Variants in HTR1F observed in about 807,000 individuals in gnomAD.
The protein encoded by HTR1F is 5-hydroxytryptamine receptor 1F.
In HTR1F, 17 loss-of-function variants were observed where a neutral mutation model predicts 24.0. The observed-to-expected ratio is 0.71, with a 90% CI of 0.48 to 1.06. HTR1F has a LOEUF of 1.06. Ranked by LOEUF, HTR1F falls within the 50% of genes least tolerant of loss-of-function variation. The pLI, the probability that HTR1F is intolerant of heterozygous loss-of-function variation, is 0.00. For missense variants in HTR1F, 391 were observed against 427.8 expected (o/e 0.91, Z 0.76); for synonymous variants, 186 against 156.8 (o/e 1.19, Z -1.39).
At chr3:87,924,034 T>G (rs112277089) in intron 2 of HTR1F, among the ~76,000 whole-genome samples, 4,967 of 152,230 alleles carry the variant, frequency 0.033, 247 homozygotes, top group African/African-American at 0.11. Flanking sequence ...CATTCTCAAC[T>G]GTTTGATTTT....
chr3:87,888,405 C>T (rs1336204910), intron 2 of HTR1F, among the ~76,000 whole-genome samples: 1 of 152,020 alleles, frequency 6.6e-6, no homozygotes, highest in Non-Finnish European at 1.5e-5. Flanking sequence ...CAACATGGCA[C>T]ATGTATACCT....
intron 2 of HTR1F, among the ~76,000 whole-genome samples, chr3:87,897,976 G>A (rs577943491): frequency 1.3e-5 from 2 of 152,148 alleles, no homozygotes; most frequent in African/African-American, 4.8e-5. Context: ...CACAGATTCA[G>A]TGATCAATAA....
chr3:87,946,185 G>A (rs1329273955), intron 2 of HTR1F, among the ~76,000 whole-genome samples: 1 of 152,208 alleles, frequency 6.6e-6, no homozygotes, highest in African/African-American at 2.4e-5. Context: ...CAGGAGCACA[G>A]CGGACACCCT....
intron 2 of HTR1F, among the ~76,000 whole-genome samples, chr3:87,865,576 A>G (rs1705410170): frequency 6.6e-6 from 1 of 152,084 alleles, no homozygotes. Context: ...ATAAATATGA[A>G]TTTTTTGTGT....
rs543611030 is a variant in HTR1F at position 87,910,211 on chromosome 3, A to T, written c.-42-80497A>T. ...TCTTTGGCACCAATTGCAACTTGAA[A>T]CTTTTCCTGTGTTGTATGAAAGGAG... On this transcript the variant is annotated intron_variant, in intron 2 of 2. Coordinates refer to ENST00000319595, the MANE Select transcript of HTR1F (RefSeq NM_001322209.2). 10 of 152,042 alleles carry T rather than the reference A, an allele frequency of 6.6e-5. No homozygotes were observed. The South Asian group carries it at 2.1e-3, about 32-fold the overall frequency. The allele number at this position is 152,042 out of a possible 1,614,324, so 9.4% of individuals were successfully genotyped here. A position where few individuals can be genotyped will look rare whatever the true frequency, so the allele number is the denominator to read the frequency against.
At position 87,992,915 on chromosome 3, in the gene HTR1F, G is replaced by T. The variant is rs1705868071; in HGVS notation, c.*1065G>T. 1 of 166,656 alleles carries T rather than the reference G, an allele frequency of 6.0e-6. No homozygotes were observed. The highest frequency in any genetic ancestry group is 2.1e-4 in the South Asian group (1 of 4,810). The allele number at this position is 166,656 out of a possible 1,614,324, so 10.3% of individuals were successfully genotyped here. On this transcript the variant is annotated 3_prime_UTR_variant, in exon 3 of 3. Transcript: ENST00000319595. ...ATTGGTAGAAATGAACAGGAAAAAA[G>T]ACTCATATTACACTAATTAATAAAT...
At chr3:87,975,898 T>C (rs747273484) in intron 2 of HTR1F, among the ~76,000 whole-genome samples, 1 of 152,226 alleles carries the variant, frequency 6.6e-6, no homozygotes. Context: ...ATACCATTAA[T>C]TGAAGATGAC....
chr3:87,793,467 C>A (rs1575875472), intron 1 of HTR1F: 1 of 152,142 alleles, frequency 6.6e-6, no homozygotes, highest in Non-Finnish European at 1.5e-5. Flanking sequence ...CTGCAGCTTG[C>A]CTAGTTGCCG....
rs78377108 is a variant in HTR1F, at chr3:87,794,791, C to T, written c.-160+1949C>T. Among the ~76,000 whole-genome samples the T allele has an allele frequency of 2.2e-3, 329 of 152,210 alleles. 7 individuals are homozygous for T. The East Asian group carries it at 0.058, about 27-fold the overall frequency. On this transcript the variant is annotated intron_variant, in intron 1 of 2. Transcript: ENST00000319595. ...AAATGGGTGGGATTGAGCAACAGCA[C>T]ATTTGTAAAGTCAACTTGTTCACTT...
chr3:87,897,229 A>AT (rs1491240162), intron 2 of HTR1F, among the ~76,000 whole-genome samples: 1 of 131,112 alleles, frequency 7.6e-6, no homozygotes, highest in African/African-American at 3.5e-5. Flanking sequence ...ATATATATAT[A>AT]AATGTTTTAT....
chr3:87,861,342 T>C (rs539349838), intron 2 of HTR1F, among the ~76,000 whole-genome samples: 1 of 152,256 alleles, frequency 6.6e-6, no homozygotes, highest in Admixed American at 6.5e-5. Flanking sequence ...AAATCCATTT[T>C]GAATACAGCC....
intron 2 of HTR1F, among the ~76,000 whole-genome samples, chr3:87,855,655 G>A (rs1434326214): frequency 6.6e-6 from 1 of 151,922 alleles, no homozygotes; most frequent in Non-Finnish European, 1.5e-5. Context: ...GTTGTGCCTG[G>A]TGTGAATTAC....
intron 2 of HTR1F, among the ~76,000 whole-genome samples, chr3:87,921,002 C>A (rs529207803): frequency 2.0e-5 from 3 of 152,096 alleles, no homozygotes; most frequent in African/African-American, 7.2e-5. Flanking sequence ...CACATATCCC[C>A]CTAAAGCTCA....
chr3:87,876,156 C>T (rs535483257), intron 2 of HTR1F, among the ~76,000 whole-genome samples: 2 of 152,166 alleles, frequency 1.3e-5, no homozygotes, highest in South Asian at 2.1e-4. Context: ...TGATCATGGG[C>T]GTATAAAACA....
At chr3:87,925,358 A>G (rs1361197246) in intron 2 of HTR1F, among the ~76,000 whole-genome samples, 2 of 152,040 alleles carry the variant, frequency 1.3e-5, no homozygotes, top group African/African-American at 4.8e-5. Flanking sequence ...CTTGGGTTCT[A>G]GGGGATGTCT....
chr3:87,920,697 G>A (rs1366089079), intron 2 of HTR1F, among the ~76,000 whole-genome samples: 1 of 151,864 alleles, frequency 6.6e-6, no homozygotes, highest in South Asian at 2.1e-4. Flanking sequence ...CACAACAAGA[G>A]TAAGAACACA....
chr3:87,874,658 T>C (rs1310380851), intron 2 of HTR1F, among the ~76,000 whole-genome samples: 3 of 150,618 alleles, frequency 2.0e-5, no homozygotes, highest in African/African-American at 7.3e-5. Flanking sequence ...CTAAAATTAA[T>C]ATGGAATCTC....
chr3:87,879,219 T>C (rs1705734078), intron 2 of HTR1F, among the ~76,000 whole-genome samples: 1 of 152,198 alleles, frequency 6.6e-6, no homozygotes, highest in Admixed American at 6.5e-5. Flanking sequence ...TTAGTAATTG[T>C]TAAACAGAAT....
At chr3:87,836,455 A>G (rs1434720604) in intron 2 of HTR1F, among the ~76,000 whole-genome samples, 1 of 152,156 alleles carries the variant, frequency 6.6e-6, no homozygotes, top group Non-Finnish European at 1.5e-5. Context: ...TTTTGTTTGG[A>G]AAATAATTTT....
Sources: gnomAD v4.1 joint callset for allele counts (sites outside exome capture counted in the v4.1 genomes callset) on GRCh38, gnomAD v4.1.1 for gene constraint, MANE v1.5 for transcripts, NCBI Gene and HGNC (gene_info 2026-07-23, HGNC 2026-07-21) for gene names.